Variants in CNN3 observed in about 807,000 individuals in gnomAD.
CNN3 encodes calponin-3.
A neutral mutation model predicts 39.0 loss-of-function variants in CNN3; 11 were observed. That is an observed-to-expected ratio of 0.28 (90% confidence interval 0.18 to 0.47). CNN3 has a LOEUF of 0.47. CNN3 is among the 20% of genes least tolerant of loss of function. The pLI, the probability that CNN3 is intolerant of heterozygous loss-of-function variation, is 0.99. For synonymous variants in CNN3, 101 were observed against 138.3 expected (o/e 0.73, Z 1.89); for missense variants, 266 against 403.4 (o/e 0.66, Z 2.92).
intron 1 of CNN3, among the ~76,000 whole-genome samples, chr1:94,907,792 G>C (rs969986677): frequency 2.0e-5 from 3 of 152,186 alleles, no homozygotes; most frequent in Non-Finnish European, 4.4e-5. Context: ...CCCGGGAGGC[G>C]GGGCTTGCAG....
rs753013813 is a variant in CNN3, at chr1:94,926,935, G to A, written c.-41C>T. On this transcript the variant is annotated 5_prime_UTR_variant, in exon 1 of 7. Coordinates refer to ENST00000370206, the MANE Select transcript of CNN3 (RefSeq NM_001839.5). The surrounding 1 kb of genome is among the most constrained non-coding windows in gnomAD (Gnocchi z 4.2). ...GGGAAGAGACAGCGCTGGGGTCCGGGGTCTCTCGCACTTCGCTTCCCCGCT... is the reference window on the plus strand; with the variant it reads ...GGGAAGAGACAGCGCTGGGGTCCGGAGTCTCTCGCACTTCGCTTCCCCGCT... The A allele has an allele frequency of 7.5e-6, 12 of 1,592,008 alleles. No homozygotes were observed. The East Asian group carries it at 9.3e-5, about 12-fold the overall frequency.
At chr1:94,921,505 C>T (rs1267606425) in intron 1 of CNN3, among the ~76,000 whole-genome samples, 2 of 151,910 alleles carry the variant, frequency 1.3e-5, no homozygotes, top group Non-Finnish European at 1.5e-5. Flanking sequence ...TTTTTTATGC[C>T]GCAGATCAGA....
chr1:94,923,301 G>A (rs763512685), intron 1 of CNN3, among the ~76,000 whole-genome samples: 1 of 152,102 alleles, frequency 6.6e-6, no homozygotes, highest in Non-Finnish European at 1.5e-5. Flanking sequence ...TCAACCTGTA[G>A]AATACCTGTA....
intron 6 of CNN3, 119 bp downstream of exon 6, chr1:94,899,252 C>A (rs929374554): frequency 1.8e-6 from 2 of 1,082,440 alleles, no homozygotes; most frequent in Non-Finnish European, 2.5e-6. Flanking sequence ...CCAGCAAAGT[C>A]CACATTCCTG....
chr1:94,902,690 C>T (rs1670899201), intron 3 of CNN3, among the ~76,000 whole-genome samples: 1 of 152,116 alleles, frequency 6.6e-6, no homozygotes, highest in South Asian at 2.1e-4. Context: ...AACACATGTT[C>T]AAGACCAGTA....
chr1:94,915,071 T>C (rs1345279124), intron 1 of CNN3, among the ~76,000 whole-genome samples: 1 of 152,284 alleles, frequency 6.6e-6, no homozygotes, highest in Non-Finnish European at 1.5e-5. Context: ...TTTGTAGAGA[T>C]GGGGTCTCCC....
chr1:94,916,473 C>G (rs1557914396), intron 1 of CNN3, among the ~76,000 whole-genome samples: 1 of 152,144 alleles, frequency 6.6e-6, no homozygotes, highest in African/African-American at 2.4e-5. Context: ...TCTCAGTAGC[C>G]AAATCCAGTG....
chr1:94,897,269 T>G lies in CNN3; in HGVS notation c.*473A>C, dbSNP rs1459501562. ...ACAATACTGTAGAAACATTGATATG[T>G]AAATTTCTAAAATGCTGCATCTTAA... On this transcript the variant is annotated 3_prime_UTR_variant, in exon 7 of 7. Transcript: ENST00000370206. The G allele has an allele frequency of 6.4e-6, 1 of 156,030 alleles. No individual in the cohort carries two copies. The highest frequency in any genetic ancestry group is 1.4e-5 in the Non-Finnish European group (1 of 70,510). 9.7% of individuals were successfully genotyped at this position (156,030 alleles called of 1,614,324 possible).
At chr1:94,914,164 G>T (rs530593485) in intron 1 of CNN3, among the ~76,000 whole-genome samples, 45 of 152,294 alleles carry the variant, frequency 3.0e-4, no homozygotes, top group African/African-American at 9.9e-4. Flanking sequence ...TGTCTCTTCA[G>T]CAGGACCTCT....
intron 1 of CNN3, among the ~76,000 whole-genome samples, chr1:94,907,657 A>C (rs142838902): frequency 6.6e-6 from 1 of 152,148 alleles, no homozygotes; most frequent in Admixed American, 6.5e-5. Flanking sequence ...TCAGGAGATC[A>C]AGACCATCCT....
intron 4 of CNN3, 97 bp downstream of exon 4, chr1:94,902,024 G>A (rs1052477632): frequency 1.0e-5 from 11 of 1,079,968 alleles, no homozygotes; most frequent in Non-Finnish European, 1.5e-5. Flanking sequence ...GACAGGCCCC[G>A]CCCCACCTGG....
At chr1:94,920,784 C>T (rs913573048) in intron 1 of CNN3, among the ~76,000 whole-genome samples, 3 of 152,134 alleles carry the variant, frequency 2.0e-5, no homozygotes, top group Non-Finnish European at 4.4e-5. Context: ...AAAGGGTTCA[C>T]ATGGCCATAG....
intron 1 of CNN3, among the ~76,000 whole-genome samples, chr1:94,915,120 A>G (rs1028989811): frequency 6.6e-6 from 1 of 152,224 alleles, no homozygotes; most frequent in African/African-American, 2.4e-5. Flanking sequence ...CCTTTTAAAA[A>G]TATTCATACT....
At chr1:94,905,690 T>C (rs566151787) in intron 1 of CNN3, among the ~76,000 whole-genome samples, 5 of 152,254 alleles carry the variant, frequency 3.3e-5, no homozygotes, top group Non-Finnish European at 7.3e-5. Flanking sequence ...TTAAGACGAC[T>C]AACTTTGCAG....
intron 1 of CNN3, among the ~76,000 whole-genome samples, chr1:94,921,952 G>T (rs1671458054): frequency 6.6e-6 from 1 of 152,302 alleles, no homozygotes; most frequent in Non-Finnish European, 1.5e-5. Flanking sequence ...TTCTCCAGCA[G>T]TATTCAGGAA....
rs546265966 is a variant in CNN3, at chr1:94,919,845, C to T, written c.57+6993G>A. On this transcript the variant is annotated intron_variant, in intron 1 of 6. Transcript: ENST00000370206. Reference sequence around the variant, plus strand: ...CACCGCAGACACAGCACTCAACAGTCACGCCCACACCCTGAAGCTTCCTGG... The same window carrying T: ...CACCGCAGACACAGCACTCAACAGTTACGCCCACACCCTGAAGCTTCCTGG... Among the ~76,000 whole-genome samples the T allele has an allele frequency of 1.7e-4, 26 of 152,260 alleles. No individual in the cohort carries two copies. The South Asian group carries it at 4.4e-3, about 26-fold the overall frequency.
intron 1 of CNN3, among the ~76,000 whole-genome samples, chr1:94,905,206 C>T (rs941538120): frequency 5.3e-5 from 8 of 152,184 alleles, no homozygotes; most frequent in Admixed American, 1.3e-4. Context: ...TGAAAACCAA[C>T]GCTGAGTCTT....
chr1:94,913,521 T>A (rs1671215426), intron 1 of CNN3, among the ~76,000 whole-genome samples: 1 of 152,224 alleles, frequency 6.6e-6, no homozygotes, highest in Non-Finnish European at 1.5e-5. Context: ...TCTGGTAGGT[T>A]AAACCACATC....
In CNN3 at chr1:94,926,740, G is replaced by A. The variant is rs370671054; in HGVS notation, c.57+98C>T. The A allele has an allele frequency of 2.4e-4, 329 of 1,344,224 alleles. 1 individual carries two copies. The African/African-American group carries it at 4.2e-3, about 17-fold the overall frequency. The allele number at this position is 1,344,224 out of a possible 1,614,324, so 83.3% of individuals were successfully genotyped here. A position where few individuals can be genotyped will look rare whatever the true frequency, so the allele number is the denominator to read the frequency against. On this transcript the variant is annotated intron_variant, in intron 1 of 6. Coordinates refer to ENST00000370206, the MANE Select transcript of CNN3 (RefSeq NM_001839.5). This position sits in a 1 kb window ranked among gnomAD's most constrained non-coding sequence, Gnocchi z 4.2. Reference sequence around the variant, plus strand: ...CTCGACGGCCCCTCTCCAGGAAAACGGTGAGCCACAGCGCGAAGAGCAAAC... The same window carrying A: ...CTCGACGGCCCCTCTCCAGGAAAACAGTGAGCCACAGCGCGAAGAGCAAAC...
Sources: gnomAD v4.1 joint callset for allele counts (sites outside exome capture counted in the v4.1 genomes callset) on GRCh38, gnomAD v4.1.1 for gene constraint, Gnocchi (gnomAD v3.1) non-coding constraint, MANE v1.5 for transcripts, NCBI Gene and HGNC (gene_info 2026-07-23, HGNC 2026-07-21) for gene names.